Variants in SLC14A2 observed in about 807,000 individuals in gnomAD.
SLC14A2 encodes the protein urea transporter 2.
SLC14A2 carries 91 observed loss-of-function variants against 104.6 expected under a neutral mutation model. The observed-to-expected ratio is 0.87, with a 90% confidence interval of 0.73 to 1.04. The LOEUF is 1.04. Among genes scored for constraint, SLC14A2 ranks in the 50% least tolerant of loss-of-function variants. The probability of loss-of-function intolerance (pLI) is 0.00; values close to 1 mark genes in which losing one functional copy is unlikely to be tolerated. For synonymous variants in SLC14A2, 476 were observed against 466.4 expected, an observed-to-expected ratio of 1.02 and a Z score of -0.27; for missense variants, 1,189 against 1,156.0, an observed-to-expected ratio of 1.03 and a Z score of -0.41.
At chr18:45,646,404 C>T (rs997697657) in intron 10 of SLC14A2, 2 of 152,192 alleles carry the variant, frequency 1.3e-5, no homozygotes, top group South Asian at 2.1e-4. Context: ...GATTCAATTA[C>T]CCAAAATGGA....
chr18:45,279,686 CT>C (rs1432590846), intron 1 of SLC14A2, among the ~76,000 whole-genome samples: 1 of 152,038 alleles, frequency 6.6e-6, no homozygotes, highest in Non-Finnish European at 1.5e-5. Context: ...ACTTTTGAGG[CT>C]TTTTATTGTG....
chr18:45,178,227 T>C, the SLC14A2 span, among the ~76,000 whole-genome samples: 2 of 152,236 alleles, frequency 1.3e-5, no homozygotes, highest in East Asian at 3.9e-4. Context: ...AGTGAACAGC[T>C]ATGAAAAACC....
intron 2 of SLC14A2, among the ~76,000 whole-genome samples, chr18:45,555,593 G>T (rs1311125133): frequency 6.6e-6 from 1 of 152,156 alleles, no homozygotes; most frequent in East Asian, 1.9e-4. Context: ...ATTCAAAGTG[G>T]ACACTTCCCA....
intron 1 of SLC14A2, among the ~76,000 whole-genome samples, chr18:45,414,744 TAAAA>T (rs531366886): frequency 0.01 from 533 of 51,944 alleles, 7 homozygotes; most frequent in Middle Eastern, 0.012. Flanking sequence ...GCACCGAGCG[TAAAA>T]AAAAAAAAAA....
chr18:45,617,183 GA>G (rs2045087168), intron 1 of SLC14A2, among the ~76,000 whole-genome samples: 1 of 152,206 alleles, frequency 6.6e-6, no homozygotes, highest in Non-Finnish European at 1.5e-5. Context: ...AGCATCAAAA[GA>G]GGTCAAGTGG....
At chr18:45,591,080 A>C (rs2044640097) in intron 2 of SLC14A2, among the ~76,000 whole-genome samples, 1 of 151,764 alleles carries the variant, frequency 6.6e-6, no homozygotes, top group South Asian at 2.1e-4. Flanking sequence ...TAAATACCAC[A>C]TGTCAGTCAC....
In SLC14A2 at chr18:45,510,439, A is replaced by C. The variant is rs57010128; in HGVS notation, c.-35+27117A>C. 7.2e-3 allele frequency among the ~76,000 whole-genome samples: 1,098 copies of C among 152,256 alleles called. 11 individuals carry two copies. Among genetic ancestry groups the C allele is most frequent in the African/African-American group, 0.025 (1,047 of 41,548 alleles). On this transcript the variant is annotated intron_variant, in intron 2 of 20. Coordinates refer to the SLC14A2 transcript ENST00000586448. ...CTCTCCTATACTCCCAGGCCCCTCT[A>C]TGCGGCTCCTACTGTGGAGGCAGGG...
chr18:45,609,493 C>T (rs1254692377), intron 2 of SLC14A2, among the ~76,000 whole-genome samples: 3 of 152,132 alleles, frequency 2.0e-5, no homozygotes, highest in African/African-American at 4.8e-5. Flanking sequence ...CTAGAGCTCT[C>T]CATTAAGGCA....
At chr18:45,176,807 T>C in the SLC14A2 span, among the ~76,000 whole-genome samples, 425 of 152,286 alleles carry the variant, frequency 2.8e-3, 5 homozygotes, top group African/African-American at 9.6e-3. Context: ...CCCACTTCTC[T>C]ATGCAAGTTA....
intron 1 of SLC14A2, among the ~76,000 whole-genome samples, chr18:45,323,540 T>C (rs2144244089): frequency 6.6e-6 from 1 of 152,354 alleles, no homozygotes; most frequent in Non-Finnish European, 1.5e-5. Flanking sequence ...TGATTGTGTT[T>C]GCTTTCATTA....
At chr18:45,576,084 C>T (rs2044414732) in intron 2 of SLC14A2, among the ~76,000 whole-genome samples, 1 of 152,138 alleles carries the variant, frequency 6.6e-6, no homozygotes, top group Admixed American at 6.5e-5. Flanking sequence ...AACTGTAACT[C>T]TAATCATCTC....
At chr18:45,186,428 C>T in the SLC14A2 span, among the ~76,000 whole-genome samples, 1 of 152,180 alleles carries the variant, frequency 6.6e-6, no homozygotes, top group Admixed American at 6.5e-5. Context: ...TAATATTTCA[C>T]ATCATCTACA....
chr18:45,391,572 T>C (rs1445941337), intron 1 of SLC14A2, among the ~76,000 whole-genome samples: 1 of 152,154 alleles, frequency 6.6e-6, no homozygotes. Flanking sequence ...TTTCTCCACA[T>C]CCTCTCCAGC....
intron 2 of SLC14A2, among the ~76,000 whole-genome samples, chr18:45,609,207 C>A (rs1400190175): frequency 6.6e-6 from 1 of 152,128 alleles, no homozygotes; most frequent in Non-Finnish European, 1.5e-5. Flanking sequence ...TGGCACATCC[C>A]TTCCTGCCAT....
At chr18:45,358,275 C>T (rs1340446026) in intron 1 of SLC14A2, among the ~76,000 whole-genome samples, 2 of 152,142 alleles carry the variant, frequency 1.3e-5, no homozygotes, top group Admixed American at 6.5e-5. Flanking sequence ...GCTTAGGTGG[C>T]CAGTGATTAA....
In SLC14A2 at chr18:45,403,786, A is replaced by AATGAATG. The variant is rs1568185043; in HGVS notation, c.-124-79446_-124-79445insTGAATGA. On this transcript the variant is annotated intron_variant, in intron 1 of 20. Transcript: ENST00000586448. ...TGAATGAATGAATGAATGAATGAATAAATGAGTGGACATTCTATGAGTCAG... is the reference window on the plus strand; with the variant it reads ...TGAATGAATGAATGAATGAATGAATAATGAATGAATGAGTGGACATTCTATGAGTCAG... 2.1e-3 allele frequency among the ~76,000 whole-genome samples: 62 copies of AATGAATG among 30,182 alleles called. No homozygotes were observed. In the South Asian group the frequency reaches 0.07, roughly 34 times the overall value. 19.8% of individuals were successfully genotyped at this position (30,182 alleles called of 152,430 possible).
At chr18:45,315,354 G>A (rs2085118847) in intron 1 of SLC14A2, among the ~76,000 whole-genome samples, 1 of 152,154 alleles carries the variant, frequency 6.6e-6, no homozygotes, top group South Asian at 2.1e-4. Flanking sequence ...CTCTAGCATG[G>A]GGAAGATGAT....
intron 1 of SLC14A2, among the ~76,000 whole-genome samples, chr18:45,241,392 G>C (rs2084314101): frequency 6.6e-6 from 1 of 152,208 alleles, no homozygotes; most frequent in African/African-American, 2.4e-5. Context: ...GAGATGCTGA[G>C]GGCCTGAATC....
intron 1 of SLC14A2, among the ~76,000 whole-genome samples, chr18:45,390,216 T>C (rs1225903087): frequency 6.6e-6 from 1 of 152,150 alleles, no homozygotes; most frequent in African/African-American, 2.4e-5. Context: ...CTCTGATATG[T>C]CCAGGTGGTA....
Sources: allele counts gnomAD v4.1 joint callset (sites outside exome capture counted in the v4.1 genomes callset), GRCh38; gene constraint gnomAD v4.1.1; transcripts MANE v1.5; gene names NCBI Gene and HGNC (gene_info 2026-07-23, HGNC 2026-07-21).